Variants in LHFPL5 observed in about 807,000 individuals in gnomAD.
LHFPL5 encodes the protein LHFPL tetraspan subfamily member 5 protein.
LHFPL5 carries 12 observed loss-of-function variants against 18.7 expected under a neutral mutation model. The observed-to-expected ratio is 0.64, with a 90% CI of 0.41 to 1.04. The LOEUF (loss-of-function observed/expected upper bound fraction) is 1.04. Ranked by LOEUF, LHFPL5 falls within the 50% of genes least tolerant of loss-of-function variation. The pLI is 0.00. For missense variants in LHFPL5, 259 were observed against 292.1 expected, an observed-to-expected ratio of 0.89 and a Z score of 0.83; for synonymous variants, 111 against 120.2, an observed-to-expected ratio of 0.92 and a Z score of 0.50.
chr6:35,812,138 C>T (rs1233209167), intron 1 of LHFPL5, among the ~76,000 whole-genome samples: 1 of 152,166 alleles, frequency 6.6e-6, no homozygotes, highest in African/African-American at 2.4e-5. Flanking sequence ...ATTTTGTGAT[C>T]TATAAAGAAC....
Position 35,814,466 on chromosome 6 carries a change from T to C in LHFPL5, c.413-80T>C. The C allele has an allele frequency of 9.2e-7, 1 of 1,089,822 alleles. No individual in the cohort carries two copies. Among genetic ancestry groups the C allele is most frequent in the Non-Finnish European group, 1.4e-6 (1 of 702,820 alleles). The allele number at this position is 1,089,822 out of a possible 1,614,324, so 67.5% of individuals were successfully genotyped here. A position where few individuals can be genotyped will look rare whatever the true frequency, so the allele number is the denominator to read the frequency against. On this transcript the variant is annotated intron_variant, in intron 1 of 3. Transcript: ENST00000360215. The surrounding 1 kb of genome is among the most constrained non-coding windows in gnomAD (Gnocchi z 4.2). Reference sequence around the variant, plus strand: ...CAGAAGGAGAAGGGAGGTGACAACATAACAGCAGTGCAAGGTGTGGGAGGT... The same window carrying C: ...CAGAAGGAGAAGGGAGGTGACAACACAACAGCAGTGCAAGGTGTGGGAGGT...
rs746816109 is a variant in LHFPL5, at chr6:35,814,721, C to A, written c.588C>A (p.Ala196=). The A allele has an allele frequency of 6.2e-7, 1 of 1,614,170 alleles. No individual in the cohort carries two copies. The highest frequency in any genetic ancestry group is 2.2e-5 in the East Asian group (1 of 44,872). ...IGDALILSFL[A]FVLGYRQDKL... is the part of the protein sequence containing the mutation. ...ACGCCCTCATCCTCTCCTTCCTGGCCTTCGTGTTGGGCTACCGGCAGGACA... is the reference window on the plus strand; with the variant it reads ...ACGCCCTCATCCTCTCCTTCCTGGCATTCGTGTTGGGCTACCGGCAGGACA... Residue 196 remains alanine (A), a synonymous_variant, in exon 2 of 4, where the codon GCC becomes GCA. Transcript: ENST00000360215. This position sits in a 1 kb window ranked among gnomAD's most constrained non-coding sequence, Gnocchi z 4.2.
intron 1 of LHFPL5, among the ~76,000 whole-genome samples, chr6:35,806,972 G>A (rs1053657990): frequency 6.6e-6 from 1 of 152,028 alleles, no homozygotes; most frequent in Admixed American, 6.6e-5. Context: ...CTCCAGGTGC[G>A]CACCACCATG....
chr6:35,823,477 A>ACACACTCT lies in LHFPL5; in HGVS notation c.*513_*514insACACTCTC, dbSNP rs1554147856. On this transcript the variant is annotated 3_prime_UTR_variant, in exon 4 of 4. Coordinates refer to ENST00000360215, the MANE Select transcript of LHFPL5 (RefSeq NM_182548.4). Reference sequence around the variant, plus strand: ...CACACACACACACACACACACACACACTCTCTCTCTCTCTCAAACACACAC... The same window carrying ACACACTCT: ...CACACACACACACACACACACACACACACACTCTCTCTCTCTCTCTCTCAAACACACAC... The ACACACTCT allele has an allele frequency of 5.0e-5, 7 of 140,750 alleles. No individual in the cohort carries two copies. Among genetic ancestry groups the ACACACTCT allele is most frequent in the African/African-American group, 1.9e-4 (7 of 36,488 alleles). 8.7% of individuals were successfully genotyped at this position (140,750 alleles called of 1,614,324 possible). A position where few individuals can be genotyped will look rare whatever the true frequency, so the allele number is the denominator to read the frequency against.
Position 35,821,449 on chromosome 6 carries a change from T to TTGTGTGTGTG in LHFPL5, c.*17-1497_*17-1488dup, listed in dbSNP as rs34049571. ...ATAAAAAAGCATTAGAGCATAATCT[T>TTGTGTGTGTG]TGTGTGTGTGTGTGTGTGTGTGTGT... On this transcript the variant is annotated intron_variant, in intron 3 of 3. Transcript: ENST00000360215. Among the ~76,000 whole-genome samples, 135 of 120,398 alleles carry TTGTGTGTGTG rather than the reference T, an allele frequency of 1.1e-3. 2 individuals carry two copies. Among genetic ancestry groups the TTGTGTGTGTG allele is most frequent in the African/African-American group, 2.3e-3 (73 of 32,348 alleles). 79.0% of individuals were successfully genotyped at this position (120,398 alleles called of 152,430 possible). A position where few individuals can be genotyped will look rare whatever the true frequency, so the allele number is the denominator to read the frequency against.
chr6:35,806,452 G>A (rs974078401), intron 1 of LHFPL5, among the ~76,000 whole-genome samples: 5 of 152,070 alleles, frequency 3.3e-5, no homozygotes, highest in African/African-American at 9.7e-5. Context: ...AAAGAAGGAA[G>A]CTTCCATTGT....
intron 1 of LHFPL5, among the ~76,000 whole-genome samples, chr6:35,813,792 C>CTTTTT (rs1012092184): frequency 4.9e-5 from 6 of 121,538 alleles, no homozygotes; most frequent in African/African-American, 6.6e-5. Flanking sequence ...TTTCCTTTTC[C>CTTTTT]TTTTTTTTTT....
intron 2 of LHFPL5, among the ~76,000 whole-genome samples, chr6:35,816,345 CAA>C (rs761580974): frequency 3.5e-4 from 27 of 77,618 alleles, no homozygotes; most frequent in African/African-American, 1.1e-3. Context: ...GACTCCGTCT[CAA>C]AAAAAAAAAA....
chr6:35,809,369 T>C (rs1768627187), intron 1 of LHFPL5, among the ~76,000 whole-genome samples: 1 of 152,170 alleles, frequency 6.6e-6, no homozygotes, highest in Non-Finnish European at 1.5e-5. Context: ...GGTGCCGGCA[T>C]GGCATTAGCA....
chr6:35,805,563 GC>G lies in LHFPL5; in HGVS notation c.-106del. The G allele has an allele frequency of 1.7e-6, 2 of 1,199,340 alleles. 1 individual carries two copies. Among genetic ancestry groups the G allele is most frequent in the South Asian group, 2.5e-5 (2 of 79,560 alleles). The allele number at this position is 1,199,340 out of a possible 1,614,324, so 74.3% of individuals were successfully genotyped here. On this transcript the variant is annotated 5_prime_UTR_variant, in exon 1 of 4. Transcript: ENST00000360215. The surrounding 1 kb of genome is among the most constrained non-coding windows in gnomAD (Gnocchi z 4.3). ...GACCTCACCTGGTGCCCTGACCTCA[GC>G]CTCCTCCCCAAACCCCGCTGGGGAG...
In LHFPL5 at chr6:35,806,009, C is replaced by G; in HGVS notation, c.339C>G (p.Ile113Met). The G allele has an allele frequency of 6.2e-7, 1 of 1,614,244 alleles. No homozygotes were observed. The highest frequency in any genetic ancestry group is 8.5e-7 in the Non-Finnish European group (1 of 1,180,040). The change falls in exon 1 of 4, where the codon ATC becomes ATG. Residue 113 changes from isoleucine to methionine, a missense_variant. Ile to Met is a conservative substitution (Grantham distance 10, BLOSUM62 1). Coordinates refer to ENST00000360215, the MANE Select transcript of LHFPL5 (RefSeq NM_182548.4). ...LGMFLIIGSI[I>M]CFSLFFICNT... is the part of the protein sequence containing the mutation. The stretch of plus-strand genomic sequence containing the variant: ...TGTTCCTCATCATTGGCTCCATCAT[C>G]TGCTTCAGCCTGTTCTTCATCTGCA...
intron 1 of LHFPL5, among the ~76,000 whole-genome samples, chr6:35,808,366 G>T (rs932636290): frequency 1.4e-5 from 2 of 144,732 alleles, no homozygotes; most frequent in African/African-American, 5.0e-5. Context: ...ATAATAATAA[G>T]GCCAGCTGCA....
intron 2 of LHFPL5, among the ~76,000 whole-genome samples, chr6:35,818,342 TATA>T (rs1561955662): frequency 4.7e-4 from 4 of 8,490 alleles, no homozygotes; most frequent in Non-Finnish European, 6.2e-4. Context: ...TATATATATA[TATA>T]TATGTATTTT....
chr6:35,811,343 T>C (rs1185940322), intron 1 of LHFPL5: 1 of 152,224 alleles, frequency 6.6e-6, no homozygotes, highest in Non-Finnish European at 1.5e-5. Flanking sequence ...CAAGACATCA[T>C]AGTAAGCGTT....
rs1423922057 is a variant in LHFPL5 at position 35,805,638 on chromosome 6, C to T, written c.-33C>T. On this transcript the variant is annotated 5_prime_UTR_variant, in exon 1 of 4. The change creates a new upstream start codon in the 5' untranslated region. Coordinates refer to ENST00000360215, the MANE Select transcript of LHFPL5 (RefSeq NM_182548.4). This position sits in a 1 kb window ranked among gnomAD's most constrained non-coding sequence, Gnocchi z 4.3. ...CACAAAGCTACGGACTTGCAGCCCA[C>T]GGGACCCCAGCCCAGGGCCTGCTGC... 13 of 1,612,538 alleles carry T rather than the reference C, an allele frequency of 8.1e-6. No individual in the cohort carries two copies. The highest frequency in any genetic ancestry group is 2.2e-5 in the South Asian group (2 of 91,026).
In LHFPL5 at chr6:35,805,572, C is replaced by T. The variant is rs1768553983; in HGVS notation, c.-99C>T. Reference sequence around the variant, plus strand: ...TGGTGCCCTGACCTCAGCCTCCTCCCCAAACCCCGCTGGGGAGTGACCTGC... The same window carrying T: ...TGGTGCCCTGACCTCAGCCTCCTCCTCAAACCCCGCTGGGGAGTGACCTGC... On this transcript the variant is annotated 5_prime_UTR_variant, in exon 1 of 4. Transcript: ENST00000360215. This position sits in a 1 kb window ranked among gnomAD's most constrained non-coding sequence, Gnocchi z 4.3. The T allele has an allele frequency of 7.2e-7, 1 of 1,385,164 alleles. No homozygotes were observed. Among genetic ancestry groups the T allele is most frequent in the East Asian group, 2.3e-5 (1 of 42,776 alleles). The allele number at this position is 1,385,164 out of a possible 1,614,324, so 85.8% of individuals were successfully genotyped here. A position where few individuals can be genotyped will look rare whatever the true frequency, so the allele number is the denominator to read the frequency against.
chr6:35,806,800 A>AT (rs1034337685), intron 1 of LHFPL5, among the ~76,000 whole-genome samples: 1 of 152,044 alleles, frequency 6.6e-6, no homozygotes, highest in African/African-American at 2.4e-5. Flanking sequence ...AGAGGAAGCT[A>AT]TTTAGGGTCC....
At chr6:35,818,320 CAT>C (rs112710434) in intron 2 of LHFPL5, among the ~76,000 whole-genome samples, 2,439 of 119,970 alleles carry the variant, frequency 0.02, 70 homozygotes, top group African/African-American at 0.068. Context: ...TACTAAAAGC[CAT>C]ATATATATAT....
chr6:35,808,221 A>C (rs991557015), intron 1 of LHFPL5, among the ~76,000 whole-genome samples: 1 of 151,478 alleles, frequency 6.6e-6, no homozygotes, highest in African/African-American at 2.4e-5. Context: ...GAGGCCAAGG[A>C]GAGGGGATTG....
Sources: allele counts gnomAD v4.1 joint callset (sites outside exome capture counted in the v4.1 genomes callset), GRCh38; gene constraint gnomAD v4.1.1; non-coding constraint Gnocchi (gnomAD v3.1); transcripts MANE v1.5; gene names NCBI Gene and HGNC (gene_info 2026-07-23, HGNC 2026-07-21).